Variants in PSMD14 observed in about 807,000 individuals in gnomAD.
PSMD14 encodes proteasome 26S subunit, non-ATPase 14.
In PSMD14, 7 loss-of-function variants were observed where a neutral mutation model predicts 41.2. The observed-to-expected ratio is 0.17, with a 90% CI of 0.10 to 0.32. The LOEUF (loss-of-function observed/expected upper bound fraction) is 0.32, where lower values mean the gene tolerates loss of function less well. Among genes scored for constraint, PSMD14 ranks in the 10% least tolerant of loss-of-function variants. The probability of loss-of-function intolerance (pLI) is 1.00; values close to 1 mark genes in which losing one functional copy is unlikely to be tolerated. For missense variants in PSMD14, 139 were observed against 375.6 expected (o/e 0.37, Z 5.21); for synonymous variants, 114 against 122.3 (o/e 0.93, Z 0.45).
chr2:161,359,136 T>C (rs1383420521), intron 3 of PSMD14, among the ~76,000 whole-genome samples: 2 of 151,878 alleles, frequency 1.3e-5, no homozygotes, highest in African/African-American at 4.8e-5. Context: ...GCCTGGCAAA[T>C]CTTTAAAAAA....
chr2:161,339,752 C>G (rs551237679), intron 3 of PSMD14, among the ~76,000 whole-genome samples: 30 of 152,402 alleles, frequency 2.0e-4, no homozygotes, highest in Middle Eastern at 6.8e-3. Flanking sequence ...AAGGCAATGA[C>G]TGTGTGGCTG....
At chr2:161,399,559 T>TA (rs1683847868) in intron 10 of PSMD14, among the ~76,000 whole-genome samples, 1 of 152,142 alleles carries the variant, frequency 6.6e-6, no homozygotes, top group Non-Finnish European at 1.5e-5. Flanking sequence ...CCTTGAGCAG[T>TA]ATATACACTG....
At chr2:161,326,640 G>C (rs927201913) in intron 3 of PSMD14, among the ~76,000 whole-genome samples, 1 of 152,136 alleles carries the variant, frequency 6.6e-6, no homozygotes, top group African/African-American at 2.4e-5. Context: ...TAGCCAAGGG[G>C]TGGAAACAAC....
chr2:161,317,943 CTT>C (rs1689163150), intron 2 of PSMD14, among the ~76,000 whole-genome samples: 1 of 152,048 alleles, frequency 6.6e-6, no homozygotes, highest in African/African-American at 2.4e-5. Context: ...CTGTTATTAA[CTT>C]TTAAAATTTG....
intron 3 of PSMD14, among the ~76,000 whole-genome samples, chr2:161,366,087 C>A (rs981557462): frequency 1.3e-5 from 2 of 152,076 alleles, no homozygotes. Flanking sequence ...GATGCTTTGG[C>A]CTGTTATTAC....
At chr2:161,391,622 T>A (rs1371312062) in intron 9 of PSMD14, among the ~76,000 whole-genome samples, 1 of 152,132 alleles carries the variant, frequency 6.6e-6, no homozygotes, top group Non-Finnish European at 1.5e-5. Context: ...AGTAGGGTCT[T>A]GCTCTGTCTC....
chr2:161,399,585 CTT>C (rs1287833284), intron 10 of PSMD14, among the ~76,000 whole-genome samples: 1 of 152,038 alleles, frequency 6.6e-6, no homozygotes, highest in African/African-American at 2.4e-5. Context: ...AATTTGTAGT[CTT>C]TGCCTATAAA....
At chr2:161,394,977 T>A in intron 9 of PSMD14, 101 bp from the exon 10 acceptor site, 1 of 1,028,634 alleles carries the variant, frequency 9.7e-7, no homozygotes, top group Non-Finnish European at 1.4e-6. Flanking sequence ...TTAAATCCAT[T>A]AAGTCGAAAT....
At chr2:161,322,356 G>A (rs985276441) in intron 3 of PSMD14, among the ~76,000 whole-genome samples, 2 of 151,972 alleles carry the variant, frequency 1.3e-5, no homozygotes, top group African/African-American at 4.8e-5. Context: ...AAAGGTCTTT[G>A]GGCTTTGCTC....
intron 3 of PSMD14, among the ~76,000 whole-genome samples, chr2:161,351,626 C>A (rs1268655092): frequency 1.3e-5 from 2 of 152,174 alleles, no homozygotes; most frequent in Non-Finnish European, 2.9e-5. Flanking sequence ...CTATGGTGTG[C>A]TAGTCAGGAA....
At chr2:161,336,304 C>A (rs1003245997) in intron 3 of PSMD14, among the ~76,000 whole-genome samples, 1 of 152,082 alleles carries the variant, frequency 6.6e-6, no homozygotes, top group Non-Finnish European at 1.5e-5. Context: ...TAAATTTAAG[C>A]AGAGTCACCA....
intron 7 of PSMD14, chr2:161,384,860 C>T (rs907953910): frequency 6.6e-6 from 1 of 151,758 alleles, no homozygotes; most frequent in African/African-American, 2.4e-5. Context: ...GCATGGATGA[C>T]CTTGGTTTTC....
At chr2:161,325,068 T>G (rs1483829478) in intron 3 of PSMD14, among the ~76,000 whole-genome samples, 1 of 152,152 alleles carries the variant, frequency 6.6e-6, no homozygotes, top group Non-Finnish European at 1.5e-5. Flanking sequence ...ACTGTGAAAT[T>G]CTGTGTAAAA....
In PSMD14 at chr2:161,308,492, C is replaced by G. The variant is rs937847404; in HGVS notation, c.-250C>G. The G allele has an allele frequency of 6.6e-6, 1 of 152,332 alleles. No homozygotes were observed. The highest frequency in any genetic ancestry group is 1.5e-5 in the Non-Finnish European group (1 of 68,124). The allele number at this position is 152,332 out of a possible 1,614,324, so 9.4% of individuals were successfully genotyped here. On this transcript the variant is annotated 5_prime_UTR_variant, in exon 1 of 12. Coordinates refer to ENST00000409682, the MANE Select transcript of PSMD14 (RefSeq NM_005805.6). The stretch of plus-strand genomic sequence containing the variant: ...ATCGGGCTGATTCATCGCCGGTTTG[C>G]AGACAGAGCCGCGTCGGGTGTGCGC...
intron 3 of PSMD14, among the ~76,000 whole-genome samples, chr2:161,348,682 A>T (rs986809224): frequency 2.0e-5 from 3 of 152,192 alleles, no homozygotes; most frequent in African/African-American, 7.2e-5. Flanking sequence ...TTATGTAGTA[A>T]AGGTATAAAG....
rs1574142539 is a variant in PSMD14, at chr2:161,400,215, A to G, written c.771+5012A>G. Among the ~76,000 whole-genome samples, 9 of 152,368 alleles carry G rather than the reference A, an allele frequency of 5.9e-5. 1 individual carries two copies. In the South Asian group the frequency reaches 1.9e-3, roughly 32 times the overall value. On this transcript the variant is annotated intron_variant, in intron 10 of 11. Transcript: ENST00000409682. ...AAAACTTCAAAGACATTAGAGACCCAGGTTCCTTCTATCTCTCTGCTCTGC... is the reference window on the plus strand; with the variant it reads ...AAAACTTCAAAGACATTAGAGACCCGGGTTCCTTCTATCTCTCTGCTCTGC...
intron 3 of PSMD14, among the ~76,000 whole-genome samples, chr2:161,350,386 A>G (rs1282911341): frequency 6.6e-6 from 1 of 152,240 alleles, no homozygotes; most frequent in Admixed American, 6.5e-5. Context: ...GAGGATGAAG[A>G]ACTTCAGTAA....
rs141863521 is a variant in PSMD14 at position 161,359,498 on chromosome 2, G to T, written c.49-7980G>T. Among the ~76,000 whole-genome samples, 13 of 151,792 alleles carry T rather than the reference G, an allele frequency of 8.6e-5. No homozygotes were observed. The East Asian group carries it at 1.4e-3, about 16-fold the overall frequency. On this transcript the variant is annotated intron_variant, in intron 3 of 11. Transcript: ENST00000409682. The stretch of plus-strand genomic sequence containing the variant: ...TAAAAAGTTATTTTTTTAAGGCAAA[G>T]ATTTTTTTTTTAATTGGACTTGGAA...
chr2:161,345,946 C>T (rs1683035858), intron 3 of PSMD14, among the ~76,000 whole-genome samples: 2 of 152,090 alleles, frequency 1.3e-5, no homozygotes, highest in Admixed American at 6.5e-5. Context: ...GGCTGGAGTA[C>T]AGTGGCATGA....
Sources: allele counts gnomAD v4.1 joint callset (sites outside exome capture counted in the v4.1 genomes callset), GRCh38; gene constraint gnomAD v4.1.1; transcripts MANE v1.5; gene names NCBI Gene and HGNC (gene_info 2026-07-23, HGNC 2026-07-21).